The following RP1 variants were observed in gnomAD, a reference collection of about 807,000 sequenced individuals.
RP1 encodes oxygen-regulated protein 1.
Under a neutral mutation model 14.8 loss-of-function variants are expected in RP1, and 16 were observed. The ratio of observed to expected loss-of-function variants is 1.08; its 90% confidence interval spans 0.73 to 1.65. The LOEUF (loss-of-function observed/expected upper bound fraction) is 1.65, where lower values mean the gene tolerates loss of function less well. Among genes scored for constraint, RP1 ranks in the 40% most tolerant of loss-of-function variants. RP1 has a pLI of 0.00. For synonymous variants in RP1, 876 were observed against 883.6 expected, an observed-to-expected ratio of 0.99 and a Z score of 0.15; for missense variants, 2,631 against 2,535.0, an observed-to-expected ratio of 1.04 and a Z score of -0.81.
intron 1 of RP1, among the ~76,000 whole-genome samples, chr8:54,581,383 A>T (rs1027187132): frequency 6.6e-6 from 1 of 152,034 alleles, no homozygotes; most frequent in Admixed American, 6.6e-5. Flanking sequence ...TATGTGCCAC[A>T]TTTTCTTAAT....
chr8:54,838,554 T>G (rs1181776975), intron 25 of RP1, among the ~76,000 whole-genome samples: 3 of 152,206 alleles, frequency 2.0e-5, no homozygotes, highest in Non-Finnish European at 4.4e-5. Flanking sequence ...AGTGTTTCAA[T>G]GTATGTGCAT....
chr8:54,680,882 C>T (rs571553168), intron 12 of RP1, among the ~76,000 whole-genome samples: 2 of 151,080 alleles, frequency 1.3e-5, no homozygotes, highest in African/African-American at 2.4e-5. Context: ...GGTGTGAACC[C>T]GGAGGGTGGA....
intron 3 of RP1, chr8:54,648,892 C>A (rs377012665): frequency 2.4e-6 from 2 of 845,394 alleles, no homozygotes; most frequent in South Asian, 3.2e-5. Flanking sequence ...TTTTGTCTAT[C>A]CTGAACTCTC....
At chr8:54,587,288 T>C (rs922968521) in intron 1 of RP1, among the ~76,000 whole-genome samples, 1 of 152,072 alleles carries the variant, frequency 6.6e-6, no homozygotes, top group Non-Finnish European at 1.5e-5. Context: ...TAGCTGGACA[T>C]GATGGTGGGC....
At chr8:54,645,167 C>T (rs1806520121) in intron 3 of RP1, among the ~76,000 whole-genome samples, 1 of 152,136 alleles carries the variant, frequency 6.6e-6, no homozygotes, top group Non-Finnish European at 1.5e-5. Context: ...ACTCCAGTTT[C>T]TGGCTATTGT....
intron 1 of RP1, chr8:54,561,758 A>C (rs1288742104): frequency 6.6e-6 from 1 of 152,248 alleles, no homozygotes; most frequent in Admixed American, 6.5e-5. Context: ...AAGATCAATA[A>C]CAAGCATTAT....
intron 24 of RP1, among the ~76,000 whole-genome samples, chr8:54,818,611 G>T (rs1257702743): frequency 6.6e-6 from 1 of 152,200 alleles, no homozygotes; most frequent in East Asian, 1.9e-4. Flanking sequence ...TAATGAGGCA[G>T]CCTGCCTAAG....
intron 3 of RP1, 47 bp from the exon 4 acceptor site, chr8:54,624,623 A>G (rs1805975392): frequency 6.3e-7 from 1 of 1,590,980 alleles, no homozygotes; most frequent in Non-Finnish European, 8.6e-7. Flanking sequence ...TCTGCCTTCC[A>G]TATTATATTT....
intron 17 of RP1, among the ~76,000 whole-genome samples, chr8:54,733,437 CTT>C (rs1428784190): frequency 4.6e-5 from 7 of 152,062 alleles, no homozygotes; most frequent in Non-Finnish European, 7.4e-5. Flanking sequence ...GAGAAAGAAA[CTT>C]TTAAAAATGA....
chr8:54,770,306 C>A, downstream of RP1: 1 of 393,236 alleles, frequency 2.5e-6, no homozygotes. Context: ...AAAATGAACA[C>A]GGAATAAGCA....
exon 7 of RP1, chr8:54,663,788 G>A (rs952574931): frequency 2.0e-6 from 3 of 1,535,176 alleles, no homozygotes; most frequent in Non-Finnish European, 1.7e-6. Context: ...TGGGGAAAAG[G>A]GAGATACAGG....
At chr8:54,639,409 T>A (rs1218054896) in intron 3 of RP1, among the ~76,000 whole-genome samples, 1 of 152,230 alleles carries the variant, frequency 6.6e-6, no homozygotes, top group East Asian at 1.9e-4. Flanking sequence ...CAGGACATAC[T>A]TTTTTATCTT....
chr8:54,769,773 A>T lies in RP1; in HGVS notation c.3281A>T (p.His1094Leu), dbSNP rs761881121. 51 of 1,533,704 alleles carry T rather than the reference A, an allele frequency of 3.3e-5. No individual in the cohort carries two copies. In the Middle Eastern group the frequency reaches 1.0e-3, roughly 30 times the overall value. The stretch of plus-strand genomic sequence containing the variant: ...CCTTTCATGTCTCAGGGCATAATTC[A>T]TTCAGAAATTGAACTTTATCTTCAA... The change falls in exon 23 of 23, where the codon CAT becomes CTT. Residue 1094 changes from histidine (H) to leucine (L), a missense_variant. Transcript: ENST00000636932.
At chr8:54,809,069 T>C (rs566392128) in intron 24 of RP1, among the ~76,000 whole-genome samples, 143 of 152,374 alleles carry the variant, frequency 9.4e-4, no homozygotes, top group African/African-American at 3.4e-3. Context: ...CACTTGGCAC[T>C]TCAACCTATG....
At chr8:54,775,684 A>G (rs1810018188) in intron 23 of RP1, among the ~76,000 whole-genome samples, 1 of 152,222 alleles carries the variant, frequency 6.6e-6, no homozygotes, top group Non-Finnish European at 1.5e-5. Flanking sequence ...TCAAGGGCAT[A>G]AGAAATGATT....
At chr8:54,587,297 G>A (rs1311024245) in intron 1 of RP1, among the ~76,000 whole-genome samples, 1 of 152,112 alleles carries the variant, frequency 6.6e-6, no homozygotes, top group African/African-American at 2.4e-5. Context: ...ATGATGGTGG[G>A]CACCTGTAAT....
chr8:54,761,989 A>C (rs181668512), intron 22 of RP1, among the ~76,000 whole-genome samples: 4 of 152,280 alleles, frequency 2.6e-5, no homozygotes, highest in Admixed American at 2.6e-4. Flanking sequence ...TTTTCTGTGC[A>C]TATGAGGTCA....
intron 3 of RP1, among the ~76,000 whole-genome samples, chr8:54,623,673 T>C (rs953311646): frequency 6.6e-6 from 1 of 152,196 alleles, no homozygotes; most frequent in African/African-American, 2.4e-5. Context: ...AGATAACTGA[T>C]ATCTGGACTT....
exon 29 of RP1, chr8:54,869,891 C>A: frequency 8.1e-7 from 1 of 1,231,886 alleles, no homozygotes; most frequent in Non-Finnish European, 1.0e-6. Flanking sequence ...GGGAATTGCT[C>A]GCAGAAAGTA....
Sources: allele counts gnomAD v4.1 joint callset (sites outside exome capture counted in the v4.1 genomes callset), GRCh38; gene constraint gnomAD v4.1.1; transcripts MANE v1.5; gene names NCBI Gene and HGNC (gene_info 2026-07-23, HGNC 2026-07-21).